The following RSF1 variants were observed in gnomAD, a reference collection of about 807,000 sequenced individuals.
RSF1 encodes HBV pX-associated protein 8.
A neutral mutation model predicts 145.2 loss-of-function variants in RSF1; 13 were observed. The observed-to-expected ratio is 0.09, with a 90% CI of 0.06 to 0.14. The LOEUF (loss-of-function observed/expected upper bound fraction) is 0.14. Ranked by LOEUF, RSF1 falls within the 10% of genes least tolerant of loss-of-function variation. The probability of loss-of-function intolerance (pLI) is 1.00; values close to 1 mark genes in which losing one functional copy is unlikely to be tolerated. For missense variants in RSF1, 1,517 were observed against 1,718.2 expected (o/e 0.88, Z 2.07); for synonymous variants, 577 against 592.6 (o/e 0.97, Z 0.38).
At chr11:77,774,789 G>A (rs537927880) in intron 1 of RSF1, among the ~76,000 whole-genome samples, 51 of 147,820 alleles carry the variant, frequency 3.5e-4, no homozygotes, top group Non-Finnish European at 6.1e-4. Context: ...TTTTTGAGAC[G>A]GACTCTTGCA....
intron 5 of RSF1, among the ~76,000 whole-genome samples, chr11:77,712,189 G>C (rs999194119): frequency 6.6e-6 from 1 of 152,198 alleles, no homozygotes; most frequent in African/African-American, 2.4e-5. Flanking sequence ...GGAGATAACT[G>C]AATCACGGGG....
chr11:77,775,787 AAC>A (rs1237799108), intron 1 of RSF1, among the ~76,000 whole-genome samples: 1 of 152,090 alleles, frequency 6.6e-6, no homozygotes, highest in Non-Finnish European at 1.5e-5. Context: ...TGTTTGTTTA[AAC>A]ACAGAGTCTT....
chr11:77,687,048 A>G (rs1960028066), intron 9 of RSF1, among the ~76,000 whole-genome samples: 1 of 152,230 alleles, frequency 6.6e-6, no homozygotes, highest in South Asian at 2.1e-4. Context: ...ATTTTTAAAA[A>G]GTGAATATAA....
intron 3 of RSF1, among the ~76,000 whole-genome samples, chr11:77,744,608 T>A (rs1475239260): frequency 6.6e-6 from 1 of 152,238 alleles, no homozygotes; most frequent in East Asian, 1.9e-4. Context: ...CCTGGCCATG[T>A]ATCACATTTA....
chr11:77,690,955 T>C, intron 9 of RSF1: 2 of 539,810 alleles, frequency 3.7e-6, no homozygotes, highest in Non-Finnish European at 6.5e-6. Context: ...TCATGAAATA[T>C]GATTCTAGTT....
the RSF1 span, chr11:77,841,186 A>C: frequency 1.7e-5 from 12 of 702,048 alleles, no homozygotes; most frequent in Non-Finnish European, 3.1e-5. Context: ...TAATCTATTC[A>C]TGAGGGTGGA....
chr11:77,833,617 C>A, the RSF1 span, among the ~76,000 whole-genome samples: 213 of 152,294 alleles, frequency 1.4e-3, no homozygotes, highest in Middle Eastern at 6.8e-3. Flanking sequence ...GGCCTGTACC[C>A]AGGGGTTGGG....
At chr11:77,726,551 G>T (rs969423735) in intron 4 of RSF1, among the ~76,000 whole-genome samples, 3 of 152,122 alleles carry the variant, frequency 2.0e-5, no homozygotes, top group African/African-American at 7.2e-5. Flanking sequence ...AACTCACTTG[G>T]ATATTTTTCT....
intron 5 of RSF1, among the ~76,000 whole-genome samples, chr11:77,704,698 T>C (rs1027432070): frequency 5.8e-4 from 88 of 152,232 alleles, no homozygotes; most frequent in African/African-American, 1.9e-3. Context: ...GCTGGTGTCA[T>C]ATTTCTTTTA....
the RSF1 span, chr11:77,869,998 C>A: frequency 2.0e-6 from 1 of 494,876 alleles, no homozygotes; most frequent in African/African-American, 1.9e-5. Flanking sequence ...CTCCAGTCTA[C>A]CTAACCCTGA....
chr11:77,675,193 A>T lies in RSF1; in HGVS notation c.3405T>A (p.Ser1135=). Residue 1135 remains serine, a synonymous_variant, in exon 14 of 16, where the codon TCT becomes TCA. Transcript: ENST00000308488. ...NPDESEEDPP[S]NDDSDTDFCS... ...AAAAGTCAGTGTCACTGTCATCATTAGATGGCGGATCTTCTTCACTTTCAT... is the reference window on the plus strand; with the variant it reads ...AAAAGTCAGTGTCACTGTCATCATTTGATGGCGGATCTTCTTCACTTTCAT... 6.2e-7 allele frequency: 1 copy of T among 1,614,180 alleles called. No individual in the cohort carries two copies. The highest frequency in any genetic ancestry group is 8.5e-7 in the Non-Finnish European group (1 of 1,180,018).
intron 1 of RSF1, among the ~76,000 whole-genome samples, chr11:77,798,581 T>TAAAAAA (rs543236647): frequency 1.2e-4 from 3 of 24,496 alleles, no homozygotes; most frequent in Non-Finnish European, 1.5e-4. Context: ...GACTCCATCT[T>TAAAAAA]AAAAAAAAAA....
chr11:77,707,217 A>T (rs868131099), intron 5 of RSF1, among the ~76,000 whole-genome samples: 6 of 152,234 alleles, frequency 3.9e-5, no homozygotes, highest in Non-Finnish European at 8.8e-5. Flanking sequence ...CTGCAGTAAG[A>T]CACTCAAACA....
intron 4 of RSF1, among the ~76,000 whole-genome samples, chr11:77,730,720 C>G (rs999014702): frequency 1.3e-5 from 2 of 152,102 alleles, no homozygotes; most frequent in African/African-American, 4.8e-5. Context: ...GTTCTGTTCT[C>G]GTGATAGTGA....
Position 77,664,037 on chromosome 11 carries a change from C to T in RSF1, c.*2880G>A, listed in dbSNP as rs148149178. ...TAAACTCTACATCAATTACTGCTTT[C>T]CTATACTTTCTGCAGTTCGTAGTGA... On this transcript the variant is annotated 3_prime_UTR_variant, in exon 16 of 16. Coordinates refer to ENST00000308488, the MANE Select transcript of RSF1 (RefSeq NM_016578.4). 427 of 152,270 alleles carry T rather than the reference C, an allele frequency of 2.8e-3. 4 individuals carry two copies. The highest frequency in any genetic ancestry group is 9.9e-3 in the African/African-American group (411 of 41,556). The allele number at this position is 152,270 out of a possible 1,614,324, so 9.4% of individuals were successfully genotyped here.
At chr11:77,850,729 AT>A in the RSF1 span, 1 of 151,898 alleles carries the variant, frequency 6.6e-6, no homozygotes, top group Non-Finnish European at 1.5e-5. Context: ...AGTTGTTAAC[AT>A]TTTACCATGT....
chr11:77,734,587 T>C (rs945987666), intron 4 of RSF1: 7 of 1,539,740 alleles, frequency 4.5e-6, no homozygotes, highest in Non-Finnish European at 6.2e-6. Flanking sequence ...ATCCAATTCT[T>C]TGATGGCTTT....
chr11:77,808,519 T>C (rs1195405407), intron 1 of RSF1, among the ~76,000 whole-genome samples: 2 of 138,322 alleles, frequency 1.4e-5, no homozygotes, highest in Non-Finnish European at 3.0e-5. Context: ...CCCATTCAAA[T>C]ATTATACCTT....
At chr11:77,760,481 A>C (rs1565172510) in intron 2 of RSF1, among the ~76,000 whole-genome samples, 1 of 152,240 alleles carries the variant, frequency 6.6e-6, no homozygotes. Flanking sequence ...TTCTGGAATT[A>C]GTGGTTATGT....
Sources: allele counts gnomAD v4.1 joint callset (sites outside exome capture counted in the v4.1 genomes callset), GRCh38; gene constraint gnomAD v4.1.1; transcripts MANE v1.5; gene names NCBI Gene and HGNC (gene_info 2026-07-23, HGNC 2026-07-21).